The following HCN1 variants were observed in gnomAD, a reference collection of about 807,000 sequenced individuals.
HCN1 encodes hyperpolarization activated cyclic nucleotide gated potassium channel 1.
Under a neutral mutation model 78.9 loss-of-function variants are expected in HCN1, and 13 were observed. The ratio of observed to expected loss-of-function variants is 0.16; its 90% CI spans 0.11 to 0.26. The LOEUF (loss-of-function observed/expected upper bound fraction) is 0.26. HCN1 is among the 10% of genes least tolerant of loss of function. HCN1 has a pLI of 1.00. For missense variants in HCN1, 810 were observed against 1,154.3 expected (o/e 0.70, Z 4.32); for synonymous variants, 552 against 455.5 (o/e 1.21, Z -2.70).
chr5:45,480,346 T>G (rs1011008521), intron 2 of HCN1, among the ~76,000 whole-genome samples: 1 of 152,224 alleles, frequency 6.6e-6, no homozygotes, highest in Non-Finnish European at 1.5e-5. Flanking sequence ...GTATTTTATA[T>G]GTTTCTCTAA....
chr5:45,301,446 C>T (rs1467109632), intron 6 of HCN1, among the ~76,000 whole-genome samples: 2 of 150,936 alleles, frequency 1.3e-5, no homozygotes, highest in Non-Finnish European at 3.0e-5. Flanking sequence ...CAGTCAGGTG[C>T]GGTGGCTCAT....
chr5:45,516,107 A>C (rs555359803), intron 2 of HCN1, among the ~76,000 whole-genome samples: 128 of 152,090 alleles, frequency 8.4e-4, no homozygotes, highest in Admixed American at 2.6e-3. Flanking sequence ...GTTATTGTTT[A>C]TTGTATCATT....
chr5:45,346,867 T>G (rs1278075476), intron 5 of HCN1, among the ~76,000 whole-genome samples: 1 of 152,134 alleles, frequency 6.6e-6, no homozygotes, highest in African/African-American at 2.4e-5. Flanking sequence ...CCGGGAAGCT[T>G]GAACTGGGTG....
chr5:45,625,371 TCAGTCTGC>T (rs1435304214), intron 2 of HCN1, among the ~76,000 whole-genome samples: 3 of 152,120 alleles, frequency 2.0e-5, no homozygotes, highest in Non-Finnish European at 2.9e-5. Context: ...ACAATTAGTG[TCAGTCTGC>T]CATTTCCTAG....
rs145018594 is a variant in HCN1, at chr5:45,317,122, C to T, written c.1378-13283G>A. 6.8e-4 allele frequency among the ~76,000 whole-genome samples: 103 copies of T among 152,060 alleles called. 1 individual carries two copies. The East Asian group carries it at 0.011, about 17-fold the overall frequency. ...CTGCATTGCCAAGTCAAGCCTAAGC[C>T]GAAAGAACAAAGCTGGAGGCATCAC... is the stretch of plus-strand genomic sequence containing the variant. On this transcript the variant is annotated intron_variant, in intron 5 of 7. Transcript: ENST00000303230.
At chr5:45,374,064 T>C (rs1237586152) in intron 4 of HCN1, among the ~76,000 whole-genome samples, 1 of 95,532 alleles carries the variant, frequency 1.0e-5, no homozygotes, top group South Asian at 2.7e-4. Flanking sequence ...ATTATATATA[T>C]AATATATATA....
At chr5:45,374,927 T>C (rs993933929) in intron 4 of HCN1, among the ~76,000 whole-genome samples, 3 of 143,916 alleles carry the variant, frequency 2.1e-5, no homozygotes, top group African/African-American at 5.1e-5. Flanking sequence ...TATACTATAG[T>C]TCATGGAAAG....
chr5:45,273,286 G>T (rs1744993769), intron 6 of HCN1, among the ~76,000 whole-genome samples: 1 of 152,098 alleles, frequency 6.6e-6, no homozygotes, highest in South Asian at 2.1e-4. Context: ...GTGTCAGAAA[G>T]AGTGTGGCCT....
chr5:45,562,590 C>T (rs890159547), intron 2 of HCN1, among the ~76,000 whole-genome samples: 1 of 152,074 alleles, frequency 6.6e-6, no homozygotes, highest in Non-Finnish European at 1.5e-5. Flanking sequence ...ATACAAACAC[C>T]AATATGAAGC....
chr5:45,319,723 G>GA (rs1281424356), intron 5 of HCN1, among the ~76,000 whole-genome samples: 10 of 150,166 alleles, frequency 6.7e-5, no homozygotes, highest in East Asian at 5.9e-4. Flanking sequence ...AGAACTTCCA[G>GA]AAAAAAAATG....
rs1446280490 is a variant in HCN1, at chr5:45,262,675, T to C, written c.1919A>G (p.Asn640Ser). ...REMVQAIAPI[N>S]YPQMTTLNST... ...ATTCAGGGTTGTCATTTGAGGATAA[T>C]TGATGGGAGCGATTGCCTGCACCAT... Residue 640 changes from asparagine to serine, a missense_variant, in exon 8 of 8, where the codon AAT becomes AGT. Around this residue, in one of 6 missense-constraint regions of HCN1, gnomAD observed 398 missense variants for 381.3 expected, o/e 1.04. Transcript: ENST00000303230. 6.2e-7 allele frequency: 1 copy of C among 1,614,108 alleles called. No homozygotes were observed. Among genetic ancestry groups the C allele is most frequent in the African/African-American group, 1.3e-5 (1 of 75,030 alleles).
Position 45,256,843 on chromosome 5 carries a change from A to G in HCN1, c.*5078T>C, listed in dbSNP as rs147063762. 1,528 of 152,828 alleles carry G rather than the reference A, an allele frequency of 1.0e-2. 23 individuals carry two copies. Among genetic ancestry groups the G allele is most frequent in the African/African-American group, 0.034 (1,409 of 41,548 alleles). The allele number at this position is 152,828 out of a possible 1,614,324, so 9.5% of individuals were successfully genotyped here. Reference sequence around the variant, plus strand: ...TCCCACTTTGGCCTCCCAAAGTGCTAGGATTACAGGCATGAGCCACCACGC... The same window carrying G: ...TCCCACTTTGGCCTCCCAAAGTGCTGGGATTACAGGCATGAGCCACCACGC... On this transcript the variant is annotated 3_prime_UTR_variant, in exon 8 of 8. Transcript: ENST00000303230.
At chr5:45,545,491 C>T (rs551225460) in intron 2 of HCN1, among the ~76,000 whole-genome samples, 109 of 152,206 alleles carry the variant, frequency 7.2e-4, no homozygotes, top group Middle Eastern at 3.4e-3. Context: ...GTTGCCATTG[C>T]TTTTGGGGTT....
chr5:45,604,642 T>C (rs1200911995), intron 2 of HCN1, among the ~76,000 whole-genome samples: 7 of 151,962 alleles, frequency 4.6e-5, no homozygotes, highest in African/African-American at 1.2e-4. Flanking sequence ...AAAAAAATGA[T>C]TCACTTGAGC....
At chr5:45,518,779 G>T (rs1220074870) in intron 2 of HCN1, among the ~76,000 whole-genome samples, 2 of 151,896 alleles carry the variant, frequency 1.3e-5, no homozygotes, top group African/African-American at 4.8e-5. Flanking sequence ...TTGAAAAGAG[G>T]GAAGGGAATC....
intron 7 of HCN1, among the ~76,000 whole-genome samples, chr5:45,266,405 G>T (rs1744858285): frequency 6.6e-6 from 1 of 151,690 alleles, no homozygotes; most frequent in Non-Finnish European, 1.5e-5. Flanking sequence ...ATGTAAAGTT[G>T]ATCCAAAAAT....
intron 4 of HCN1, among the ~76,000 whole-genome samples, chr5:45,377,419 T>A (rs997383957): frequency 1.3e-5 from 2 of 151,440 alleles, no homozygotes; most frequent in Non-Finnish European, 2.9e-5. Flanking sequence ...AAAAATGATC[T>A]TTTTTGCTTC....
intron 4 of HCN1, among the ~76,000 whole-genome samples, chr5:45,386,837 G>A (rs1051321831): frequency 6.6e-6 from 1 of 151,820 alleles, no homozygotes; most frequent in Non-Finnish European, 1.5e-5. Context: ...TAAAATTTAC[G>A]ATCATTTTTA....
intron 3 of HCN1, among the ~76,000 whole-genome samples, chr5:45,407,398 C>T (rs1739945852): frequency 6.6e-6 from 1 of 151,980 alleles, no homozygotes; most frequent in Non-Finnish European, 1.5e-5. Flanking sequence ...AACTATGTCA[C>T]GAGTTTATGT....
Sources: allele counts gnomAD v4.1 joint callset (sites outside exome capture counted in the v4.1 genomes callset), GRCh38; gene constraint gnomAD v4.1.1; regional missense constraint gnomAD v4.1.1; transcripts MANE v1.5; gene names NCBI Gene and HGNC (gene_info 2026-07-23, HGNC 2026-07-21).